The following PKHD1 variants were observed in gnomAD, a reference collection of about 807,000 sequenced individuals.
PKHD1 encodes PKHD1 ciliary IPT domain containing fibrocystin/polyductin, also known as fibrocystin.
In PKHD1, 291 loss-of-function variants were observed where a neutral mutation model predicts 412.0. The ratio of observed to expected loss-of-function variants is 0.71; its 90% confidence interval spans 0.64 to 0.78. The LOEUF is 0.78. Ranked by LOEUF, PKHD1 falls within the 30% of genes least tolerant of loss-of-function variation. The pLI is 0.00. For synonymous variants in PKHD1, 1,777 were observed against 1,821.5 expected, an observed-to-expected ratio of 0.98 and a Z score of 0.62; for missense variants, 4,825 against 4,950.7, an observed-to-expected ratio of 0.97 and a Z score of 0.76.
chr6:51,692,832 G>A (rs750013956), intron 60 of PKHD1, among the ~76,000 whole-genome samples: 1 of 152,002 alleles, frequency 6.6e-6, no homozygotes, highest in Non-Finnish European at 1.5e-5. Context: ...CTGACATCTA[G>A]ATTTTGCCCC....
chr6:52,039,419 C>T lies in PKHD1; in HGVS notation c.3097+3440G>A, dbSNP rs114108863. ...AACCTGGTTGTTTAAAAGTGCATAG[C>T]GTACCCCTCTTTGCTCTCTCTCTCC... On this transcript the variant is annotated intron_variant, in intron 27 of 66. Transcript: ENST00000371117. Among the ~76,000 whole-genome samples, 435 of 152,274 alleles carry T rather than the reference C, an allele frequency of 2.9e-3. 2 individuals are homozygous for T. The highest frequency in any genetic ancestry group is 9.8e-3 in the African/African-American group (407 of 41,556).
chr6:51,861,746 T>G (rs1462958570), intron 48 of PKHD1, among the ~76,000 whole-genome samples: 1 of 152,276 alleles, frequency 6.6e-6, no homozygotes, highest in Non-Finnish European at 1.5e-5. Flanking sequence ...CACAGCCTTA[T>G]GGATTCAGAA....
rs78965888 is a variant in PKHD1 at position 51,886,163 on chromosome 6, G to T, written c.7110-191C>A. Among the ~76,000 whole-genome samples the T allele has an allele frequency of 1.2e-3, 190 of 152,052 alleles. 1 individual carries two copies. The highest frequency in any genetic ancestry group is 4.3e-3 in the African/African-American group (179 of 41,474). ...CTTTTACCCTCTGTGACCTGCTCCC[G>T]AATCCCAACAAAATGCAGATTACTC... is the stretch of plus-strand genomic sequence containing the variant. On this transcript the variant is annotated intron_variant, in intron 44 of 66. Transcript: ENST00000371117.
At chr6:51,899,105 C>G (rs1360557844) in intron 43 of PKHD1, among the ~76,000 whole-genome samples, 1 of 152,216 alleles carries the variant, frequency 6.6e-6, no homozygotes, top group Admixed American at 6.5e-5. Context: ...GAACTGGTAC[C>G]ATTCCTTCTG....
chr6:51,628,241 C>G (rs188113266), intron 65 of PKHD1, among the ~76,000 whole-genome samples: 3 of 152,090 alleles, frequency 2.0e-5, no homozygotes, highest in African/African-American at 7.2e-5. Flanking sequence ...CTTCCCCACT[C>G]AAGTAGACCC....
At chr6:51,896,375 A>T (rs888159437) in intron 43 of PKHD1, among the ~76,000 whole-genome samples, 18 of 152,014 alleles carry the variant, frequency 1.2e-4, no homozygotes, top group African/African-American at 4.4e-4. Context: ...CGAGCAGCCT[A>T]ACTGGGAGGC....
chr6:51,678,975 C>T (rs1315745245), intron 60 of PKHD1, among the ~76,000 whole-genome samples: 1 of 152,106 alleles, frequency 6.6e-6, no homozygotes, highest in Non-Finnish European at 1.5e-5. Flanking sequence ...CTTATCACCT[C>T]TCCAGCCCTC....
Position 51,744,385 on chromosome 6 carries a change from C to G in PKHD1, c.10156G>C (p.Gly3386Arg). Residue 3386 changes from glycine to arginine, a missense_variant and splice_region_variant, in exon 60 of 67, where the codon GGT becomes CGT. Gly to Arg is a moderately radical substitution (Grantham distance 125). Coordinates refer to ENST00000371117, the MANE Select transcript of PKHD1 (RefSeq NM_138694.4). ...AEWTASFFNA[G>R]TFREEQKCTY... The stretch of plus-strand genomic sequence containing the variant: ...GGCATTGCATTCAGATATAGCTTAC[C>G]TGCGTTGAAGAAGGATGCAGTCCAT... 4.3e-6 allele frequency: 7 copies of G among 1,613,664 alleles called. No individual in the cohort carries two copies. The highest frequency in any genetic ancestry group is 2.2e-5 in the East Asian group (1 of 44,878).
At chr6:51,627,158 T>A (rs2150278876) in intron 65 of PKHD1, 42 bp from the exon 66 acceptor site, 3 of 1,521,914 alleles carry the variant, frequency 2.0e-6, no homozygotes, top group Non-Finnish European at 2.7e-6. Context: ...TGTTCAGTTG[T>A]AAGTGGGACC....
intron 60 of PKHD1, among the ~76,000 whole-genome samples, chr6:51,702,228 TG>T (rs1779534695): frequency 1.4e-5 from 2 of 147,612 alleles, no homozygotes; most frequent in African/African-American, 5.0e-5. Flanking sequence ...ATTATATATA[TG>T]TCATGGAATA....
intron 60 of PKHD1, among the ~76,000 whole-genome samples, chr6:51,700,272 A>C (rs2150697095): frequency 6.6e-6 from 1 of 152,202 alleles, no homozygotes; most frequent in African/African-American, 2.4e-5. Context: ...AATGAGAACT[A>C]TGAAAGGTAC....
intron 64 of PKHD1, among the ~76,000 whole-genome samples, chr6:51,636,575 A>AAC (rs35387983): frequency 0.023 from 3,482 of 151,490 alleles, 57 homozygotes; most frequent in Middle Eastern, 0.041. Flanking sequence ...AACAACAACA[A>AAC]ACACACACAC....
chr6:51,660,021 T>A (rs1184158075), intron 60 of PKHD1, 52 bp from the exon 61 acceptor site: 1 of 1,093,500 alleles, frequency 9.1e-7, no homozygotes, highest in Admixed American at 1.8e-5. Context: ...AATCTGTCAA[T>A]GATTATTTGT....
At chr6:51,647,172 C>T (rs1770197355) in intron 63 of PKHD1, among the ~76,000 whole-genome samples, 1 of 152,112 alleles carries the variant, frequency 6.6e-6, no homozygotes, top group African/African-American at 2.4e-5. Flanking sequence ...CATAAAAATA[C>T]AATGATTGAA....
intron 52 of PKHD1, among the ~76,000 whole-genome samples, chr6:51,813,970 T>C (rs546880717): frequency 6.6e-5 from 10 of 152,198 alleles, no homozygotes; most frequent in Non-Finnish European, 1.5e-4. Context: ...AAGTCCACAT[T>C]TCTCACACAG....
intron 48 of PKHD1, among the ~76,000 whole-genome samples, chr6:51,863,572 T>C (rs769432598): frequency 1.3e-5 from 2 of 152,026 alleles, no homozygotes; most frequent in African/African-American, 2.4e-5. Context: ...AAACTGATGA[T>C]TGAATGGGGG....
Position 52,069,498 on chromosome 6 carries a change from A to G in PKHD1, c.737T>C (p.Ile246Thr), listed in dbSNP as rs1037991711. The G allele has an allele frequency of 6.2e-7, 1 of 1,613,628 alleles. No homozygotes were observed. The highest frequency in any genetic ancestry group is 8.5e-7 in the Non-Finnish European group (1 of 1,179,550). ...KSMVHKKAWL[I>T]SAKQDLFLYQ... ...TAGGAAAAGATCCTGTTTAGCACTG[A>G]TCAGCCATGCCTTCTTGTGGACCAT... is the stretch of plus-strand genomic sequence containing the variant. The change falls in exon 11 of 67, where the codon ATC becomes ACC. Residue 246 changes from isoleucine (I) to threonine (T), a missense_variant. Transcript: ENST00000371117.
Position 51,911,820 on chromosome 6 carries a change from G to A in PKHD1, c.6469C>T (p.Gln2157Ter). The change falls in exon 39 of 67, where the codon CAG (glutamine) becomes TAG (stop). Residue 2157 changes from glutamine (Q) to a stop codon, truncating the protein, a stop_gained. Coordinates refer to ENST00000371117, the MANE Select transcript of PKHD1 (RefSeq NM_138694.4). LOFTEE classifies it high-confidence loss of function. ...NEREKLLVSC[Q>*]EANAPEGNLQ... Reference sequence around the variant, plus strand: ...CTACCTTCTGGAGCATTGGCCTCCTGGCATGAAACAAGCAGCTTCTCCCTC... The same window carrying A: ...CTACCTTCTGGAGCATTGGCCTCCTAGCATGAAACAAGCAGCTTCTCCCTC... 1 of 1,612,938 alleles carries A rather than the reference G, an allele frequency of 6.2e-7. No individual in the cohort carries two copies. The highest frequency in any genetic ancestry group is 8.5e-7 in the Non-Finnish European group (1 of 1,179,162).
intron 7 of PKHD1, among the ~76,000 whole-genome samples, chr6:52,072,975 A>G (rs184053076): frequency 2.7e-4 from 41 of 152,330 alleles, no homozygotes; most frequent in African/African-American, 9.1e-4. Flanking sequence ...GAAGAAAGTC[A>G]TGTTGACATC....
Sources: allele counts gnomAD v4.1 joint callset (sites outside exome capture counted in the v4.1 genomes callset), GRCh38; gene constraint gnomAD v4.1.1; transcripts MANE v1.5; gene names NCBI Gene and HGNC (gene_info 2026-07-23, HGNC 2026-07-21).